Variants in PCDH15 observed in about 807,000 individuals in gnomAD.
PCDH15 encodes protocadherin related 15, also known as protocadherin-15.
A neutral mutation model predicts 178.5 loss-of-function variants in PCDH15; 129 were observed. The observed-to-expected ratio is 0.72, with a 90% CI of 0.63 to 0.84. The LOEUF is 0.84. Ranked by LOEUF, PCDH15 falls within the 40% of genes least tolerant of loss-of-function variation. PCDH15 has a pLI of 0.00. For missense variants in PCDH15, 2,230 were observed against 2,099.9 expected (o/e 1.06, Z -1.21); for synonymous variants, 800 against 732.0 (o/e 1.09, Z -1.50).
intron 25 of PCDH15, 92 bp downstream of exon 25, chr10:53,938,723 T>A (rs901245766): frequency 4.5e-5 from 61 of 1,359,206 alleles, no homozygotes; most frequent in South Asian, 1.2e-4. Flanking sequence ...TGTTGTCCAC[T>A]GAGAATGATA....
At chr10:54,417,847 G>A (rs746045313) in intron 3 of PCDH15, among the ~76,000 whole-genome samples, 5 of 151,976 alleles carry the variant, frequency 3.3e-5, no homozygotes, top group Admixed American at 1.3e-4. Context: ...ATTTTACCTC[G>A]TGTTATTTTC....
chr10:55,196,587 G>A (rs1840099261), intron 1 of PCDH15, among the ~76,000 whole-genome samples: 1 of 151,988 alleles, frequency 6.6e-6, no homozygotes, highest in Non-Finnish European at 1.5e-5. Context: ...CATAAAGCCA[G>A]AGCACACACA....
At chr10:55,432,798 T>G (rs1242534131) in intron 2 of PCDH15, among the ~76,000 whole-genome samples, 1 of 146,406 alleles carries the variant, frequency 6.8e-6, no homozygotes, top group Non-Finnish European at 1.5e-5. Context: ...TATATATATT[T>G]TATTTTTAGT....
chr10:54,046,135 G>A (rs921483288), intron 18 of PCDH15, among the ~76,000 whole-genome samples: 1 of 152,096 alleles, frequency 6.6e-6, no homozygotes, highest in Non-Finnish European at 1.5e-5. Context: ...ATCATAATGC[G>A]ATATCACTGA....
intron 21 of PCDH15, among the ~76,000 whole-genome samples, chr10:53,981,963 A>AGTTT (rs1198617032): frequency 6.6e-6 from 1 of 152,084 alleles, no homozygotes; most frequent in Non-Finnish European, 1.5e-5. Context: ...GAACTCAAAC[A>AGTTT]AATTTACAAG....
At chr10:55,385,988 T>C (rs1292676167) in intron 2 of PCDH15, among the ~76,000 whole-genome samples, 1 of 151,636 alleles carries the variant, frequency 6.6e-6, no homozygotes, top group Non-Finnish European at 1.5e-5. Flanking sequence ...CAGTGTAAAG[T>C]GGAGGGTAAA....
chr10:54,735,597 C>A (rs376330591), intron 1 of PCDH15, among the ~76,000 whole-genome samples: 22 of 139,484 alleles, frequency 1.6e-4, no homozygotes, highest in East Asian at 9.9e-4. Context: ...TTCACAATAG[C>A]AAAGACTTGG....
intron 1 of PCDH15, among the ~76,000 whole-genome samples, chr10:54,669,836 C>T (rs928166668): frequency 2.6e-5 from 4 of 151,540 alleles, no homozygotes; most frequent in Admixed American, 1.3e-4. Context: ...ATAGATAACT[C>T]GAGATCAGGA....
At chr10:53,996,436 T>C (rs1422658677) in intron 20 of PCDH15, among the ~76,000 whole-genome samples, 1 of 152,200 alleles carries the variant, frequency 6.6e-6, no homozygotes, top group Non-Finnish European at 1.5e-5. Flanking sequence ...CATTGTCAAG[T>C]TCATTAAATA....
rs561406575 is a variant in PCDH15, at chr10:53,887,547, C to T, written c.3501+15696G>A. 3.3e-5 allele frequency among the ~76,000 whole-genome samples: 5 copies of T among 152,192 alleles called. No individual in the cohort carries two copies. In the South Asian group the frequency reaches 8.3e-4, roughly 25 times the overall value. On this transcript the variant is annotated intron_variant, in intron 26 of 37. Transcript: ENST00000644397. The stretch of plus-strand genomic sequence containing the variant: ...ACAGCTTCACGTTTCTTCTTTGTTT[C>T]TACAGTACTCTCATGAAAATTCAAT...
chr10:55,111,808 A>G (rs1837513372), intron 2 of PCDH15, among the ~76,000 whole-genome samples: 1 of 152,340 alleles, frequency 6.6e-6, no homozygotes, highest in South Asian at 2.1e-4. Flanking sequence ...ATGCCATTGC[A>G]CTACATTGCA....
At position 55,257,947 on chromosome 10, in the gene PCDH15, G is replaced by GA. The variant is rs764464236; in HGVS notation, c.-156+61651dup. Among the ~76,000 whole-genome samples the GA allele has an allele frequency of 1.3e-4, 20 of 152,230 alleles. 1 individual carries two copies. Among genetic ancestry groups the GA allele is most frequent in the South Asian group, 1.0e-3 (5 of 4,818 alleles). On this transcript the variant is annotated intron_variant, in intron 1 of 5. Coordinates refer to the PCDH15 transcript ENST00000458638. Reference sequence around the variant, plus strand: ...CAGATTCACCAAAGTTGAAATGAAGGAAAAAATGTTAAGGGCAGCCAGAGA... The same window carrying GA: ...CAGATTCACCAAAGTTGAAATGAAGGAAAAAAATGTTAAGGGCAGCCAGAGA...
rs569441805 is a variant in PCDH15 at position 53,819,066 on chromosome 10, C to A, written c.4434-1053G>T. Among the ~76,000 whole-genome samples, 16 of 152,150 alleles carry A rather than the reference C, an allele frequency of 1.1e-4. No homozygotes were observed. In the South Asian group the frequency reaches 3.3e-3, roughly 31 times the overall value. On this transcript the variant is annotated intron_variant, in intron 33 of 37. Coordinates refer to ENST00000644397, the MANE Select transcript of PCDH15 (RefSeq NM_001384140.1). Reference sequence around the variant, plus strand: ...CAGTGAATTTCGTAGAGTGCTTACACGGTTCTGCCAATATTTATAAGACTG... The same window carrying A: ...CAGTGAATTTCGTAGAGTGCTTACAAGGTTCTGCCAATATTTATAAGACTG...
At chr10:55,385,693 C>CTA (rs57143868) in intron 2 of PCDH15, among the ~76,000 whole-genome samples, 42,740 of 128,424 alleles carry the variant, frequency 0.33, 7,545 homozygotes, top group African/African-American at 0.51. Context: ...CTTCCTCTGC[C>CTA]TATATATATA....
intron 2 of PCDH15, among the ~76,000 whole-genome samples, chr10:54,615,315 T>C (rs2093101132): frequency 6.6e-6 from 1 of 152,094 alleles, no homozygotes; most frequent in Non-Finnish European, 1.5e-5. Flanking sequence ...ATGTTTTGTA[T>C]AGAAGTATAC....
intron 2 of PCDH15, among the ~76,000 whole-genome samples, chr10:54,549,704 T>A (rs2086320011): frequency 6.6e-6 from 1 of 151,938 alleles, no homozygotes; most frequent in Non-Finnish European, 1.5e-5. Context: ...TAAGTATATT[T>A]TGATATATTC....
At chr10:55,605,998 C>T (rs1204332841) in intron 2 of PCDH15, among the ~76,000 whole-genome samples, 97 of 63,258 alleles carry the variant, frequency 1.5e-3, no homozygotes, top group African/African-American at 6.3e-3. Context: ...TAGAAAACCC[C>T]ATTGTCTCAG....
intron 2 of PCDH15, among the ~76,000 whole-genome samples, chr10:55,063,796 A>G (rs1841498359): frequency 6.6e-6 from 1 of 152,186 alleles, no homozygotes; most frequent in Admixed American, 6.6e-5. Context: ...GCATTCACAC[A>G]TACTTCATAA....
intron 8 of PCDH15, among the ~76,000 whole-genome samples, chr10:54,256,504 T>C (rs1267726847): frequency 6.6e-6 from 1 of 152,170 alleles, no homozygotes; most frequent in Non-Finnish European, 1.5e-5. Context: ...AATTCTACTG[T>C]TATAGAACCT....
Sources: gnomAD v4.1 joint callset for allele counts (sites outside exome capture counted in the v4.1 genomes callset) on GRCh38, gnomAD v4.1.1 for gene constraint, MANE v1.5 for transcripts, NCBI Gene and HGNC (gene_info 2026-07-23, HGNC 2026-07-21) for gene names.